UGCG: variants seen among roughly 807,000 people sequenced by gnomAD.
UGCG encodes ceramide glucosyltransferase.
UGCG carries 10 observed loss-of-function variants against 49.5 expected under a neutral mutation model. The ratio of observed to expected loss-of-function variants is 0.20; its 90% confidence interval spans 0.12 to 0.34. The LOEUF (loss-of-function observed/expected upper bound fraction) is 0.34. Among genes scored for constraint, UGCG ranks in the 10% least tolerant of loss-of-function variants. The pLI, the probability that UGCG is intolerant of heterozygous loss-of-function variation, is 1.00. For synonymous variants in UGCG, 182 were observed against 158.2 expected, an observed-to-expected ratio of 1.15 and a Z score of -1.13; for missense variants, 312 against 483.7, an observed-to-expected ratio of 0.65 and a Z score of 3.33.
chr9:111,898,415 C>A, intron 1 of UGCG, among the ~76,000 whole-genome samples: 1 of 148,468 alleles, frequency 6.7e-6, no homozygotes, highest in Non-Finnish European at 1.5e-5. Flanking sequence ...TTCCTTTTTA[C>A]TGCGGAAAAA....
Position 111,911,211 on chromosome 9 carries a change from C to T in UGCG, c.99-3394C>T, listed in dbSNP as rs147167308. Among the ~76,000 whole-genome samples, 295 of 152,318 alleles carry T rather than the reference C, an allele frequency of 1.9e-3. 4 individuals carry two copies. The highest frequency in any genetic ancestry group is 2.9e-3 in the East Asian group (15 of 5,168). ...CCTGTCATTCTTATCTCAGGCTTCT[C>T]TCCATCTCCAGGTCACCAGTAGATG... On this transcript the variant is annotated intron_variant, in intron 1 of 8. Coordinates refer to ENST00000374279, the MANE Select transcript of UGCG (RefSeq NM_003358.3).
intron 1 of UGCG, among the ~76,000 whole-genome samples, chr9:111,897,554 T>TA (rs749680757): frequency 2.0e-5 from 3 of 152,150 alleles, no homozygotes; most frequent in Non-Finnish European, 4.4e-5. Context: ...CCAGCCAGGC[T>TA]AAAGGAGACT....
At chr9:111,903,833 C>A (rs556628470) in intron 1 of UGCG, among the ~76,000 whole-genome samples, 2 of 152,266 alleles carry the variant, frequency 1.3e-5, no homozygotes, top group South Asian at 2.1e-4. Flanking sequence ...TGAGCTCAAA[C>A]AATCTGCCTG....
intron 1 of UGCG, among the ~76,000 whole-genome samples, chr9:111,904,427 C>T (rs760861037): frequency 3.9e-5 from 6 of 152,342 alleles, no homozygotes; most frequent in Non-Finnish European, 7.3e-5. Context: ...CTTCATTCTA[C>T]CGCATTCTTG....
intron 1 of UGCG, among the ~76,000 whole-genome samples, chr9:111,904,075 G>A (rs567947593): frequency 2.2e-3 from 258 of 118,120 alleles, no homozygotes; most frequent in African/African-American, 8.4e-3. Context: ...GGCTGAGAAT[G>A]ATTGCCCCAG....
chr9:111,920,766 C>G (rs1838206620), intron 2 of UGCG, among the ~76,000 whole-genome samples: 1 of 152,150 alleles, frequency 6.6e-6, no homozygotes, highest in African/African-American at 2.4e-5. Context: ...CTACTTTTTA[C>G]TTGTGTATGC....
rs1227338611 is a variant in UGCG, at chr9:111,897,162, G to C, written c.-54G>C. 6.7e-7 allele frequency: 1 copy of C among 1,495,570 alleles called. No homozygotes were observed. Among genetic ancestry groups the C allele is most frequent in the Non-Finnish European group, 9.0e-7 (1 of 1,112,056 alleles). The allele number at this position is 1,495,570 out of a possible 1,614,324, so 92.6% of individuals were successfully genotyped here. ...CCCACCCTGTCCTCCTCCTGCGGGA[G>C]CGTTGTCCGTGTTGGCGGCCGCAGC... On this transcript the variant is annotated 5_prime_UTR_variant, in exon 1 of 9. Transcript: ENST00000374279.
At chr9:111,898,905 T>A (rs1385276302) in intron 1 of UGCG, among the ~76,000 whole-genome samples, 1 of 152,220 alleles carries the variant, frequency 6.6e-6, no homozygotes, top group Non-Finnish European at 1.5e-5. Flanking sequence ...TAATAAATGT[T>A]TATTGAAAAG....
At chr9:111,903,561 C>T (rs1331322179) in intron 1 of UGCG, among the ~76,000 whole-genome samples, 1 of 152,062 alleles carries the variant, frequency 6.6e-6, no homozygotes, top group Non-Finnish European at 1.5e-5. Context: ...CAAGACTCTG[C>T]CTCAGAAAAA....
chr9:111,927,862 C>T (rs1245162584), intron 5 of UGCG, among the ~76,000 whole-genome samples: 1 of 150,838 alleles, frequency 6.6e-6, no homozygotes, highest in Non-Finnish European at 1.5e-5. Flanking sequence ...AGATAGTATT[C>T]TAAAAATAAT....
intron 7 of UGCG, 179 bp from the exon 8 acceptor site, chr9:111,931,991 G>A (rs1838433980): frequency 3.1e-6 from 2 of 649,770 alleles, no homozygotes; most frequent in Admixed American, 6.0e-5. Context: ...CTGCACTCCA[G>A]CCTGGGTGAC....
intron 1 of UGCG, among the ~76,000 whole-genome samples, chr9:111,907,662 TTGCCCAGGCTGGAGTGCAGTGG>T (rs1478520157): frequency 2.6e-5 from 4 of 151,372 alleles, no homozygotes; most frequent in Non-Finnish European, 5.9e-5. Flanking sequence ...TCTTGCTCTG[TTGCCCAGGCTGGAGTGCAGTGG>T]TGCGATCTTG....
rs1276210754 is a variant in UGCG, at chr9:111,933,444, A to G, written c.*447A>G. ...ATAGAAGGAATGACTATTCATGTCCAAAGTGAATGGTTTTGTGCAGTGAAC... is the reference window on the plus strand; with the variant it reads ...ATAGAAGGAATGACTATTCATGTCCGAAGTGAATGGTTTTGTGCAGTGAAC... On this transcript the variant is annotated 3_prime_UTR_variant, in exon 9 of 9. Coordinates refer to ENST00000374279, the MANE Select transcript of UGCG (RefSeq NM_003358.3). 1 of 152,266 alleles carries G rather than the reference A, an allele frequency of 6.6e-6. No homozygotes were observed. Among genetic ancestry groups the G allele is most frequent in the Non-Finnish European group, 1.5e-5 (1 of 68,070 alleles). 9.4% of individuals were successfully genotyped at this position (152,266 alleles called of 1,614,324 possible). A position where few individuals can be genotyped will look rare whatever the true frequency, so the allele number is the denominator to read the frequency against.
chr9:111,902,783 T>TC (rs199569915), intron 1 of UGCG, among the ~76,000 whole-genome samples: 1 of 108,064 alleles, frequency 9.3e-6, no homozygotes, highest in African/African-American at 4.9e-5. Flanking sequence ...AAATTCTCTC[T>TC]TTTTTTTTTT....
chr9:111,914,800 A>C (rs963537425), intron 2 of UGCG, 54 bp downstream of exon 2: 2 of 1,602,350 alleles, frequency 1.2e-6, no homozygotes, highest in Non-Finnish European at 1.7e-6. Context: ...TGTTCCCCTC[A>C]TGATAAACAT....
intron 1 of UGCG, among the ~76,000 whole-genome samples, chr9:111,901,840 C>T (rs377718055): frequency 2.1e-4 from 32 of 152,166 alleles, no homozygotes; most frequent in Non-Finnish European, 3.2e-4. Context: ...TATGTCTACT[C>T]GCTGGTATCT....
At chr9:111,912,186 T>C (rs1410791596) in intron 1 of UGCG, among the ~76,000 whole-genome samples, 1 of 151,858 alleles carries the variant, frequency 6.6e-6, no homozygotes, top group Non-Finnish European at 1.5e-5. Context: ...TGTGGTTATA[T>C]GCGTTTTAGA....
At chr9:111,904,045 T>G (rs547995574) in intron 1 of UGCG, among the ~76,000 whole-genome samples, 2 of 150,926 alleles carry the variant, frequency 1.3e-5, no homozygotes, top group Non-Finnish European at 2.9e-5. Flanking sequence ...ACTCCATAGG[T>G]GACATGGATG....
chr9:111,914,868 C>A, intron 2 of UGCG, 122 bp downstream of exon 2: 2 of 1,367,774 alleles, frequency 1.5e-6, no homozygotes, highest in East Asian at 2.5e-5. Context: ...TGATATTGGC[C>A]TCATAAAATA....
Sources: gnomAD v4.1 joint callset for allele counts (sites outside exome capture counted in the v4.1 genomes callset) on GRCh38, gnomAD v4.1.1 for gene constraint, MANE v1.5 for transcripts, NCBI Gene and HGNC (gene_info 2026-07-23, HGNC 2026-07-21) for gene names.